The following SUPT3H variants were observed in gnomAD, a reference collection of about 807,000 sequenced individuals.
SUPT3H encodes SPT3 homolog, SAGA and STAGA complex component.
Under a neutral mutation model 44.3 loss-of-function variants are expected in SUPT3H, and 44 were observed. That is an observed-to-expected ratio of 0.99 (90% confidence interval 0.78 to 1.28). SUPT3H has a LOEUF of 1.28. Among genes scored for constraint, SUPT3H ranks in the 50% most tolerant of loss-of-function variants. The pLI is 0.00. For synonymous variants in SUPT3H, 124 were observed against 125.6 expected (o/e 0.99, Z 0.09); for missense variants, 380 against 387.1 (o/e 0.98, Z 0.15).
At chr6:45,000,346 T>C (rs1209595243) in intron 6 of SUPT3H, among the ~76,000 whole-genome samples, 2 of 152,020 alleles carry the variant, frequency 1.3e-5, no homozygotes, top group Non-Finnish European at 2.9e-5. Flanking sequence ...CTTTTCCTTA[T>C]AACTGAAATA....
At chr6:44,943,340 AAAT>A (rs1772775056) in intron 9 of SUPT3H, among the ~76,000 whole-genome samples, 1 of 152,122 alleles carries the variant, frequency 6.6e-6, no homozygotes, top group Non-Finnish European at 1.5e-5. Context: ...AACAGAGAGA[AAAT>A]ATTAAAAGAG....
rs957092546 is a variant in SUPT3H, at chr6:45,377,770, C to G, written c.-3G>C. ...CCGCCCCCCGCAAGCCCTACAACCT[C>G]TGCTTTAAGAACCCTTGGAGGCACT... On this transcript the variant is annotated splice_region_variant and 5_prime_UTR_variant, in exon 1 of 11. Transcript: ENST00000371459. The G allele has an allele frequency of 6.6e-6, 1 of 152,476 alleles. No homozygotes were observed. The highest frequency in any genetic ancestry group is 6.5e-5 in the Admixed American group (1 of 15,294). The allele number at this position is 152,476 out of a possible 1,614,324, so 9.4% of individuals were successfully genotyped here.
chr6:45,049,830 C>T (rs780314028), intron 3 of SUPT3H, among the ~76,000 whole-genome samples: 27 of 152,032 alleles, frequency 1.8e-4, no homozygotes, highest in Non-Finnish European at 3.4e-4. Context: ...CTTAAAGCAG[C>T]CCCTTACAAT....
chr6:45,005,640 G>C (rs1782608287), intron 5 of SUPT3H, among the ~76,000 whole-genome samples: 1 of 150,080 alleles, frequency 6.7e-6, no homozygotes, highest in African/African-American at 2.5e-5. Flanking sequence ...TACAGAGGTT[G>C]TGGTGAGCCG....
intron 6 of SUPT3H, among the ~76,000 whole-genome samples, chr6:44,962,143 A>G (rs1372844723): frequency 6.6e-6 from 1 of 152,210 alleles, no homozygotes; most frequent in Non-Finnish European, 1.5e-5. Context: ...GGAATAATAA[A>G]CCAAACAGAA....
chr6:45,364,684 T>C (rs1581929349), intron 2 of SUPT3H, among the ~76,000 whole-genome samples: 2 of 152,168 alleles, frequency 1.3e-5, no homozygotes, highest in East Asian at 3.9e-4. Flanking sequence ...TTCCCAAAGA[T>C]TGAATACATG....
chr6:45,374,486 T>G (rs946169176), intron 1 of SUPT3H, among the ~76,000 whole-genome samples: 3 of 152,200 alleles, frequency 2.0e-5, no homozygotes, highest in African/African-American at 7.2e-5. Context: ...GAGCGAGAAC[T>G]CAAATCAAGT....
chr6:44,954,497 G>A lies in SUPT3H; in HGVS notation c.691C>T (p.Gln231Ter). Residue 231 changes from glutamine (Q) to a stop codon, truncating the protein, a stop_gained and splice_region_variant, in exon 8 of 11, where the codon CAG becomes TAG. Transcript: ENST00000371459. LOFTEE classifies it high-confidence loss of function. ...LAYLAYETVA[Q>*]LVDLALLVRQ... ...ATATGACAGATTAGAATTCTTACCT[G>A]TGCCACAGTTTCATACGCTAAATAT... 4 of 1,611,054 alleles carry A rather than the reference G, an allele frequency of 2.5e-6. No individual in the cohort carries two copies. The highest frequency in any genetic ancestry group is 3.4e-6 in the Non-Finnish European group (4 of 1,177,244).
At chr6:44,832,482 A>G (rs577046004) in intron 10 of SUPT3H, among the ~76,000 whole-genome samples, 1 of 152,258 alleles carries the variant, frequency 6.6e-6, no homozygotes, top group African/African-American at 2.4e-5. Context: ...CAATAACACA[A>G]TTAGACCTCC....
chr6:44,813,576 G>GA (rs5875893), intron 11 of SUPT3H, among the ~76,000 whole-genome samples: 73,027 of 134,964 alleles, frequency 0.54, 19,139 homozygotes, highest in East Asian at 0.71. Flanking sequence ...AAACCAAGAG[G>GA]AAAAAAAAAA....
chr6:45,374,397 T>A (rs904952623), intron 1 of SUPT3H, among the ~76,000 whole-genome samples: 1 of 152,218 alleles, frequency 6.6e-6, no homozygotes, highest in Non-Finnish European at 1.5e-5. Flanking sequence ...CATTACCATC[T>A]TCATTTTATA....
chr6:45,190,573 A>G (rs1276502222), intron 2 of SUPT3H, among the ~76,000 whole-genome samples: 1 of 152,150 alleles, frequency 6.6e-6, no homozygotes, highest in East Asian at 1.9e-4. Context: ...GAGACCCATC[A>G]GGTAGAATGA....
chr6:44,950,460 A>T (rs996467439), intron 9 of SUPT3H, among the ~76,000 whole-genome samples: 22 of 152,206 alleles, frequency 1.4e-4, no homozygotes, highest in Admixed American at 1.1e-3. Context: ...AATGTATTTT[A>T]AAAAATAGCC....
At chr6:44,826,012 C>CTATT (rs1480540432), downstream of SUPT3H, among the ~76,000 whole-genome samples, 3 of 152,196 alleles carry the variant, frequency 2.0e-5, no homozygotes, top group East Asian at 5.8e-4. Flanking sequence ...GACAGCTTGA[C>CTATT]TATTTACTAT....
chr6:44,826,150 G>A (rs868459345), downstream of SUPT3H, among the ~76,000 whole-genome samples: 15 of 152,234 alleles, frequency 9.9e-5, no homozygotes, highest in Middle Eastern at 3.4e-3. Flanking sequence ...AGTTTTTAAC[G>A]ACATCTGGCC....
chr6:45,244,464 C>G (rs1371974778), intron 2 of SUPT3H, among the ~76,000 whole-genome samples: 2 of 152,054 alleles, frequency 1.3e-5, no homozygotes, highest in Non-Finnish European at 2.9e-5. Context: ...TTATGCTCTC[C>G]TTCATTATTT....
chr6:44,884,426 C>T (rs1242702551), intron 10 of SUPT3H, among the ~76,000 whole-genome samples: 4 of 152,182 alleles, frequency 2.6e-5, no homozygotes, highest in Non-Finnish European at 5.9e-5. Context: ...TCAGTTCAAC[C>T]ATTGTGGAAG....
chr6:45,250,780 A>G (rs1772229722), intron 2 of SUPT3H, among the ~76,000 whole-genome samples: 1 of 152,126 alleles, frequency 6.6e-6, no homozygotes, highest in African/African-American at 2.4e-5. Context: ...AGTAAGGGGA[A>G]AAAAGGGTTT....
intron 2 of SUPT3H, among the ~76,000 whole-genome samples, chr6:45,265,987 AC>A (rs1775193363): frequency 6.7e-6 from 1 of 150,318 alleles, no homozygotes; most frequent in African/African-American, 2.5e-5. Flanking sequence ...ATGTTCAGAA[AC>A]AGTTGCCTCA....
Sources: gnomAD v4.1 joint callset for allele counts (sites outside exome capture counted in the v4.1 genomes callset) on GRCh38, gnomAD v4.1.1 for gene constraint, MANE v1.5 for transcripts, NCBI Gene and HGNC (gene_info 2026-07-23, HGNC 2026-07-21) for gene names.